NOB1: variants seen among roughly 807,000 people sequenced by gnomAD.
NOB1 encodes NIN1 (RPN12) binding protein 1 homolog.
A neutral mutation model predicts 44.8 loss-of-function variants in NOB1; 44 were observed. That is an observed-to-expected ratio of 0.98 (90% confidence interval 0.77 to 1.26). The LOEUF (loss-of-function observed/expected upper bound fraction) is 1.26, where lower values mean the gene tolerates loss of function less well. NOB1 is among the 50% of genes most tolerant of loss of function. The pLI is 0.00. For synonymous variants in NOB1, 238 were observed against 218.7 expected (o/e 1.09, Z -0.78); for missense variants, 560 against 544.8 (o/e 1.03, Z -0.28).
chr16:69,749,312 T>C lies in NOB1; in HGVS notation c.426A>G (p.Lys142=). The C allele has an allele frequency of 1.9e-6, 3 of 1,599,854 alleles. No homozygotes were observed. Among genetic ancestry groups the C allele is most frequent in the African/African-American group, 1.4e-5 (1 of 73,920 alleles). Reference sequence around the variant, plus strand: ...TCTCAGGCTCACAAGCTGAGTGTCCTTTTTCTGTTTCTTGTGGGGGTTTAG... The same window carrying C: ...TCTCAGGCTCACAAGCTGAGTGTCCCTTTTCTGTTTCTTGTGGGGGTTTAG... ...YKPKPPQETE[K]GHSACEPENL... The change falls in exon 5 of 9, where the codon AAA becomes AAG. Residue 142 remains lysine, a synonymous_variant. Coordinates refer to ENST00000268802, the MANE Select transcript of NOB1 (RefSeq NM_014062.3).
intron 7 of NOB1, among the ~76,000 whole-genome samples, chr16:69,747,743 G>A (rs1057270545): frequency 6.6e-5 from 10 of 152,130 alleles, no homozygotes; most frequent in African/African-American, 2.4e-4. Flanking sequence ...GGAGGTCACT[G>A]GCAACCTCTG....
Position 69,754,575 on chromosome 16 carries a change from C to A in NOB1, c.196+19G>T. On this transcript the variant is annotated intron_variant, in intron 2 of 8. Coordinates refer to ENST00000268802, the MANE Select transcript of NOB1 (RefSeq NM_014062.3). ...CCTGGACCCCAGCTTCCCGTCAACGCTAGGGCAGAGGCACTCACCCAGCCG... is the reference window on the plus strand; with the variant it reads ...CCTGGACCCCAGCTTCCCGTCAACGATAGGGCAGAGGCACTCACCCAGCCG... 1.2e-6 allele frequency: 2 copies of A among 1,613,494 alleles called. No individual in the cohort carries two copies. Among genetic ancestry groups the A allele is most frequent in the Non-Finnish European group, 1.7e-6 (2 of 1,179,772 alleles).
intron 7 of NOB1, among the ~76,000 whole-genome samples, chr16:69,745,242 G>A (rs531831499): frequency 2.7e-4 from 41 of 152,324 alleles, no homozygotes; most frequent in Middle Eastern, 3.4e-3. Context: ...GTGTGCAAGC[G>A]AGCAGGATGC....
At chr16:69,747,338 G>A (rs1244969036) in intron 7 of NOB1, among the ~76,000 whole-genome samples, 1 of 151,254 alleles carries the variant, frequency 6.6e-6, no homozygotes, top group African/African-American at 2.4e-5. Context: ...AGGAGTTAAA[G>A]ACCAGCCTGG....
At position 69,754,893 on chromosome 16, in the gene NOB1, G is replaced by A. The variant is rs148444486; in HGVS notation, c.18C>T (p.His6=). 2 of 1,592,394 alleles carry A rather than the reference G, an allele frequency of 1.3e-6. No individual in the cohort carries two copies. Among genetic ancestry groups the A allele is most frequent in the Non-Finnish European group, 8.5e-7 (1 of 1,170,574 alleles). The part of the protein sequence containing the change: MAPVE[H]VVADAGAFLR... ...GGAAAGCCCCAGCATCCGCCACAACGTGCTCCACTGGAGCCATGTTGGCTG... is the reference window on the plus strand; with the variant it reads ...GGAAAGCCCCAGCATCCGCCACAACATGCTCCACTGGAGCCATGTTGGCTG... The change falls in exon 1 of 9, where the codon CAC becomes CAT. Residue 6 remains histidine (H), a synonymous_variant. Coordinates refer to ENST00000268802, the MANE Select transcript of NOB1 (RefSeq NM_014062.3).
chr16:69,754,089 C>A (rs573319396), intron 2 of NOB1, among the ~76,000 whole-genome samples: 12 of 152,360 alleles, frequency 7.9e-5, no homozygotes, highest in African/African-American at 2.9e-4. Context: ...AGGCCGTAAG[C>A]CACCGCGCCC....
chr16:69,749,116 A>C lies in NOB1; in HGVS notation c.528T>G (p.Ile176Met), dbSNP rs548802495. Residue 176 changes from isoleucine (I) to methionine (M), a missense_variant and splice_region_variant, in exon 6 of 9, where the codon ATT becomes ATG. Ile to Met is a conservative substitution (Grantham distance 10). Transcript: ENST00000268802. ...NIDHELQELL[I>M]DRGEDVPSEE... is the part of the protein sequence containing the mutation. ...CACTTGGAACGTCCTCACCTCTGTC[A>C]ATCTGAAACATCAACAGACCTTTCA... is the stretch of plus-strand genomic sequence containing the variant. The C allele has an allele frequency of 1.9e-5, 31 of 1,614,190 alleles. No homozygotes were observed. The African/African-American group carries it at 3.2e-4, about 17-fold the overall frequency.
At chr16:69,748,853 G>A in intron 6 of NOB1, 65 bp downstream of exon 6, 2 of 1,393,802 alleles carry the variant, frequency 1.4e-6, no homozygotes, top group Non-Finnish European at 2.0e-6. Context: ...GTGTACATCT[G>A]TACACCTCGG....
chr16:69,752,240 C>T lies in NOB1; in HGVS notation c.327+1G>A. The T allele has an allele frequency of 1.9e-6, 3 of 1,610,382 alleles. No homozygotes were observed. Among genetic ancestry groups the T allele is most frequent in the Non-Finnish European group, 2.5e-6 (3 of 1,178,200 alleles). On this transcript the variant is annotated splice_donor_variant, in intron 3 of 8. Transcript: ENST00000268802. LOFTEE classifies it high-confidence loss of function. ...TTTAAAAACCCATCCTCTTGATTTA[C>T]CTTCTGTGGTTCTTGTTTTAGGTGA...
intron 7 of NOB1, among the ~76,000 whole-genome samples, chr16:69,747,889 G>A (rs142962861): frequency 2.0e-3 from 311 of 152,258 alleles, no homozygotes; most frequent in African/African-American, 7.1e-3. Context: ...CAGGCGTGGT[G>A]GCTCACACCT....
chr16:69,748,405 C>T, intron 6 of NOB1, 76 bp from the exon 7 acceptor site: 2 of 1,348,480 alleles, frequency 1.5e-6, no homozygotes, highest in Non-Finnish European at 2.1e-6. Flanking sequence ...GGGAACTTCA[C>T]AAACCCTGCC....
intron 8 of NOB1, 28 bp from the exon 9 acceptor site, chr16:69,742,629 A>T: frequency 6.2e-7 from 1 of 1,610,206 alleles, no homozygotes; most frequent in Non-Finnish European, 8.5e-7. Flanking sequence ...AAGGGCCATT[A>T]GAAGAAGGGG....
chr16:69,747,873 A>G (rs2038446309), intron 7 of NOB1, among the ~76,000 whole-genome samples: 1 of 152,106 alleles, frequency 6.6e-6, no homozygotes, highest in South Asian at 2.1e-4. Context: ...AAACAGGAAT[A>G]GTGGCCAGGC....
intron 2 of NOB1, 113 bp downstream of exon 2, chr16:69,754,481 G>C: frequency 7.1e-7 from 1 of 1,403,654 alleles, no homozygotes; most frequent in Non-Finnish European, 9.7e-7. Context: ...AGAAAGTGCT[G>C]GCTCTAAATC....
At chr16:69,748,748 G>T in intron 6 of NOB1, 170 bp downstream of exon 6, 1 of 600,612 alleles carries the variant, frequency 1.7e-6, no homozygotes, top group Non-Finnish European at 2.9e-6. Flanking sequence ...GTCATTATAT[G>T]ACGATTGTCT....
chr16:69,749,205 G>C lies in NOB1; in HGVS notation c.525+8C>G. The stretch of plus-strand genomic sequence containing the variant: ...CTGTCGTCAGAAGACCAAAAGTCAA[G>C]GCCTCACCAGCAGCTCCTGCAGTTC... On this transcript the variant is annotated splice_region_variant and intron_variant, in intron 5 of 8. Transcript: ENST00000268802. 1 of 1,612,882 alleles carries C rather than the reference G, an allele frequency of 6.2e-7. No homozygotes were observed. The highest frequency in any genetic ancestry group is 8.5e-7 in the Non-Finnish European group (1 of 1,179,412).
intron 3 of NOB1, among the ~76,000 whole-genome samples, chr16:69,750,048 G>C (rs1405765175): frequency 6.9e-6 from 1 of 145,850 alleles, no homozygotes; most frequent in Non-Finnish European, 1.5e-5. Flanking sequence ...ACCCAGGCCG[G>C]AGGGGAGTGG....
Position 69,748,912 on chromosome 16 carries a change from A to G in NOB1, c.726+6T>C. The G allele has an allele frequency of 6.3e-7, 1 of 1,595,302 alleles. No homozygotes were observed. The highest frequency in any genetic ancestry group is 8.5e-7 in the Non-Finnish European group (1 of 1,169,690). ...GTGACACACGGCCCAGGCCCACCCT[A>G]CCCACCTGCATGGCGAAGTCTGTGG... On this transcript the variant is annotated splice_donor_region_variant and intron_variant, in intron 6 of 8. Transcript: ENST00000268802.
chr16:69,748,181 C>T (rs1555540927), intron 7 of NOB1, 51 bp downstream of exon 7: 2 of 1,385,864 alleles, frequency 1.4e-6, no homozygotes, highest in East Asian at 4.6e-5. Flanking sequence ...AAAAAAGAAA[C>T]AGGAAGAGTG....
Sources: allele counts gnomAD v4.1 joint callset (sites outside exome capture counted in the v4.1 genomes callset), GRCh38; gene constraint gnomAD v4.1.1; transcripts MANE v1.5; gene names NCBI Gene and HGNC (gene_info 2026-07-23, HGNC 2026-07-21).